Variants in CWC22 observed in about 807,000 individuals in gnomAD.
CWC22 encodes pre-mRNA-splicing factor CWC22 homolog.
Under a neutral mutation model 117.2 loss-of-function variants are expected in CWC22, and 53 were observed. That is an observed-to-expected ratio of 0.45 (90% CI 0.36 to 0.57). The LOEUF (loss-of-function observed/expected upper bound fraction) is 0.57, where lower values mean the gene tolerates loss of function less well. Among genes scored for constraint, CWC22 ranks in the 20% least tolerant of loss-of-function variants. The pLI is 0.00. For missense variants in CWC22, 980 were observed against 1,068.8 expected (o/e 0.92, Z 1.16); for synonymous variants, 360 against 355.6 (o/e 1.01, Z -0.14).
chr2:179,947,493 T>G (rs1005826363), intron 19 of CWC22, among the ~76,000 whole-genome samples: 3 of 152,246 alleles, frequency 2.0e-5, no homozygotes, highest in Non-Finnish European at 4.4e-5. Flanking sequence ...TATTTAGTAT[T>G]TTATTAATAA....
At chr2:179,964,440 A>G in intron 13 of CWC22, 107 bp downstream of exon 13, 1 of 588,894 alleles carries the variant, frequency 1.7e-6, no homozygotes. Context: ...AAGAATGCTG[A>G]AATGGTGTCC....
At chr2:180,005,702 G>C (rs1416058825) in intron 1 of CWC22, among the ~76,000 whole-genome samples, 1 of 152,208 alleles carries the variant, frequency 6.6e-6, no homozygotes, top group Non-Finnish European at 1.5e-5. Context: ...TATCATAGTA[G>C]TAATTTACAA....
chr2:179,968,937 T>A (rs1686962629), intron 11 of CWC22, among the ~76,000 whole-genome samples: 1 of 152,188 alleles, frequency 6.6e-6, no homozygotes, highest in Non-Finnish European at 1.5e-5. Context: ...TATTCTGAAA[T>A]AATTTAATAA....
chr2:179,999,332 C>A (rs1687788370), intron 1 of CWC22, among the ~76,000 whole-genome samples: 2 of 152,116 alleles, frequency 1.3e-5, no homozygotes, highest in African/African-American at 4.8e-5. Context: ...TATTAAATTT[C>A]TTTCCCCTTC....
chr2:179,984,209 A>G (rs1687357310), intron 4 of CWC22, among the ~76,000 whole-genome samples: 1 of 152,142 alleles, frequency 6.6e-6, no homozygotes, highest in African/African-American at 2.4e-5. Flanking sequence ...CAGTTTCAAC[A>G]TCTACCAGAT....
chr2:179,978,434 C>T, intron 5 of CWC22, 116 bp from the exon 6 acceptor site: 1 of 1,124,166 alleles, frequency 8.9e-7, no homozygotes, highest in Non-Finnish European at 1.2e-6. Context: ...ATGAAACGAC[C>T]CCCAAGTACA....
chr2:179,964,490 C>A, intron 13 of CWC22, 57 bp downstream of exon 13: 1 of 895,402 alleles, frequency 1.1e-6, no homozygotes, highest in Non-Finnish European at 1.8e-6. Context: ...TCCCTGATCT[C>A]TTTACCCATC....
chr2:179,950,009 T>C (rs770638577), intron 19 of CWC22, among the ~76,000 whole-genome samples: 62 of 152,134 alleles, frequency 4.1e-4, no homozygotes, highest in Admixed American at 7.9e-4. Flanking sequence ...GAAGGAGTAG[T>C]AACTGGGAGA....
intron 4 of CWC22, among the ~76,000 whole-genome samples, chr2:179,985,081 G>T (rs576945526): frequency 2.0e-5 from 3 of 152,040 alleles, no homozygotes; most frequent in South Asian, 2.1e-4. Flanking sequence ...GGAAACTGAG[G>T]CTCAGAAGAA....
rs1028925740 is a variant in CWC22, at chr2:179,945,718, G to A, written c.2141-3C>T. On this transcript the variant is annotated splice_region_variant and splice_polypyrimidine_tract_variant and intron_variant, in intron 19 of 19. Transcript: ENST00000410053. ...TCCCTTCTTTCTTACATCATTAGCT[G>A]CGTGTGTAAAATAAAAGACAGTTAG... The A allele has an allele frequency of 5.3e-6, 8 of 1,513,868 alleles. No individual in the cohort carries two copies. The highest frequency in any genetic ancestry group is 2.0e-5 in the Admixed American group (1 of 50,298). The allele number at this position is 1,513,868 out of a possible 1,614,324, so 93.8% of individuals were successfully genotyped here.
At chr2:179,965,117 G>A (rs1300314938) in intron 12 of CWC22, among the ~76,000 whole-genome samples, 1 of 151,992 alleles carries the variant, frequency 6.6e-6, no homozygotes, top group Non-Finnish European at 1.5e-5. Context: ...ACATTTAATA[G>A]TTTTTATCTG....
chr2:179,981,129 G>A (rs1164972828), intron 5 of CWC22, among the ~76,000 whole-genome samples: 1 of 152,208 alleles, frequency 6.6e-6, no homozygotes, highest in African/African-American at 2.4e-5. Context: ...GCCAGCTTCA[G>A]TTTTATAGGT....
chr2:179,958,359 A>T (rs1686654307), intron 14 of CWC22, among the ~76,000 whole-genome samples: 1 of 150,902 alleles, frequency 6.6e-6, no homozygotes, highest in Admixed American at 6.6e-5. Context: ...AAGAATGAAG[A>T]AAATTATATA....
At chr2:179,982,633 T>C (rs1336579914) in intron 4 of CWC22, among the ~76,000 whole-genome samples, 1 of 152,214 alleles carries the variant, frequency 6.6e-6, no homozygotes, top group Non-Finnish European at 1.5e-5. Context: ...TCTCAGAATA[T>C]TGGAAGCTTC....
At chr2:179,969,438 A>G (rs1686975417) in intron 11 of CWC22, among the ~76,000 whole-genome samples, 1 of 152,192 alleles carries the variant, frequency 6.6e-6, no homozygotes, top group Non-Finnish European at 1.5e-5. Flanking sequence ...TCCCAATTTT[A>G]CTTTTCATTT....
At chr2:179,954,489 C>G in intron 15 of CWC22, 132 bp from the exon 16 acceptor site, 1 of 571,674 alleles carries the variant, frequency 1.7e-6, no homozygotes, top group Non-Finnish European at 3.0e-6. Flanking sequence ...ATCACTAAAT[C>G]CTTTTGTGCC....
intron 6 of CWC22, among the ~76,000 whole-genome samples, chr2:179,974,779 TCTCA>T (rs925799983): frequency 6.6e-6 from 1 of 152,076 alleles, no homozygotes; most frequent in Non-Finnish European, 1.5e-5. Flanking sequence ...AGAGACAGGG[TCTCA>T]CTCTGTCACC....
intron 1 of CWC22, among the ~76,000 whole-genome samples, chr2:179,994,546 C>A (rs16867135): frequency 6.6e-6 from 1 of 152,102 alleles, no homozygotes; most frequent in Non-Finnish European, 1.5e-5. Context: ...TGATACAGAG[C>A]GGCTGTCATT....
At chr2:180,003,464 T>C (rs772690222) in intron 1 of CWC22, among the ~76,000 whole-genome samples, 1 of 152,208 alleles carries the variant, frequency 6.6e-6, no homozygotes. Flanking sequence ...GAACACATTC[T>C]GCCAATTTTC....
Sources: gnomAD v4.1 joint callset for allele counts (sites outside exome capture counted in the v4.1 genomes callset) on GRCh38, gnomAD v4.1.1 for gene constraint, MANE v1.5 for transcripts, NCBI Gene and HGNC (gene_info 2026-07-23, HGNC 2026-07-21) for gene names.